Variants in KCNK13 observed in about 807,000 individuals in gnomAD.
KCNK13 encodes the protein potassium two pore domain channel subfamily K member 13.
Under a neutral mutation model 23.4 loss-of-function variants are expected in KCNK13, and 12 were observed. The ratio of observed to expected loss-of-function variants is 0.51; its 90% CI spans 0.33 to 0.83. The LOEUF is 0.83. KCNK13 is among the 40% of genes least tolerant of loss of function. The pLI is 0.02. For synonymous variants in KCNK13, 231 were observed against 229.5 expected (o/e 1.01, Z -0.06); for missense variants, 463 against 556.3 (o/e 0.83, Z 1.69).
At chr14:90,126,511 C>T (rs189245532) in intron 1 of KCNK13, among the ~76,000 whole-genome samples, 22 of 145,618 alleles carry the variant, frequency 1.5e-4, no homozygotes, top group African/African-American at 5.4e-4. Context: ...GCCTTCTTTC[C>T]CAAAACCCAT....
intron 1 of KCNK13, among the ~76,000 whole-genome samples, chr14:90,174,210 T>G (rs1890396964): frequency 6.6e-6 from 1 of 152,112 alleles, no homozygotes; most frequent in Non-Finnish European, 1.5e-5. Context: ...CTCATGAGGC[T>G]GAGGCAGGAG....
intron 1 of KCNK13, among the ~76,000 whole-genome samples, chr14:90,181,412 C>T (rs1162243747): frequency 1.3e-5 from 2 of 152,184 alleles, no homozygotes; most frequent in Non-Finnish European, 2.9e-5. Flanking sequence ...TGTGTCCTCC[C>T]AGGGAGGAAG....
At chr14:90,149,249 G>A (rs1452120039) in intron 1 of KCNK13, among the ~76,000 whole-genome samples, 1 of 152,060 alleles carries the variant, frequency 6.6e-6, no homozygotes, top group Non-Finnish European at 1.5e-5. Flanking sequence ...CTAGCTACTC[G>A]GGAGGCTGAG....
intron 1 of KCNK13, among the ~76,000 whole-genome samples, chr14:90,069,982 T>TA (rs951972358): frequency 5.9e-5 from 9 of 151,392 alleles, no homozygotes; most frequent in Admixed American, 2.6e-4. Context: ...TGGGAAAGTA[T>TA]AAAAAAAAAG....
chr14:90,099,610 G>C (rs72697401), intron 1 of KCNK13, among the ~76,000 whole-genome samples: 1 of 152,276 alleles, frequency 6.6e-6, no homozygotes, highest in Non-Finnish European at 1.5e-5. Context: ...AGGGAGAAAA[G>C]TGCTGATTGT....
intron 1 of KCNK13, among the ~76,000 whole-genome samples, chr14:90,118,940 C>T (rs72699117): frequency 0.068 from 10,309 of 152,094 alleles, 444 homozygotes; most frequent in South Asian, 0.15. Flanking sequence ...ATAAACACAA[C>T]TAGAAATGGC....
rs1271549387 is a variant in KCNK13 at position 90,181,480 on chromosome 14, C to T, written c.335-2631C>T. Among the ~76,000 whole-genome samples the T allele has an allele frequency of 2.6e-5, 4 of 152,236 alleles. No individual in the cohort carries two copies. In the East Asian group the frequency reaches 7.8e-4, roughly 30 times the overall value. ...TAATCCCATTCATGAGAGCACCACA[C>T]TCACCTCTCGCAAAGACACCACCTC... On this transcript the variant is annotated intron_variant, in intron 1 of 1. Transcript: ENST00000282146.
intron 1 of KCNK13, among the ~76,000 whole-genome samples, chr14:90,076,372 C>T (rs1361531423): frequency 6.6e-6 from 1 of 152,224 alleles, no homozygotes. Context: ...GTGTCTCTGT[C>T]TCTCTTTTGC....
chr14:90,078,472 G>A (rs1478974674), intron 1 of KCNK13, among the ~76,000 whole-genome samples: 2 of 144,090 alleles, frequency 1.4e-5, no homozygotes, highest in Non-Finnish European at 3.0e-5. Context: ...AAGGAGGGAG[G>A]GAAGGAAGGA....
intron 1 of KCNK13, among the ~76,000 whole-genome samples, chr14:90,129,688 C>T (rs569803901): frequency 6.6e-6 from 1 of 152,158 alleles, no homozygotes; most frequent in South Asian, 2.1e-4. Context: ...ACCACATTTT[C>T]ACCAGCTCTT....
intron 1 of KCNK13, among the ~76,000 whole-genome samples, chr14:90,169,816 G>GT (rs1332485047): frequency 1.3e-5 from 2 of 152,130 alleles, no homozygotes; most frequent in Non-Finnish European, 2.9e-5. Context: ...CAAAAGTTAG[G>GT]TTTTTTAAAA....
chr14:90,067,833 T>C (rs1200756380), intron 1 of KCNK13, among the ~76,000 whole-genome samples: 1 of 152,234 alleles, frequency 6.6e-6, no homozygotes, highest in East Asian at 1.9e-4. Context: ...TTTGCTGGTA[T>C]ATCTGTAGGT....
chr14:90,177,740 G>T (rs191890873), intron 1 of KCNK13, among the ~76,000 whole-genome samples: 1 of 152,298 alleles, frequency 6.6e-6, no homozygotes, highest in Admixed American at 6.5e-5. Flanking sequence ...CTGGGAAGGA[G>T]TCGGTCTTGA....
intron 1 of KCNK13, among the ~76,000 whole-genome samples, chr14:90,070,790 T>C (rs1413502964): frequency 6.6e-6 from 1 of 152,206 alleles, no homozygotes; most frequent in Non-Finnish European, 1.5e-5. Context: ...GCGTTTGGAA[T>C]TATAGCTGAG....
chr14:90,129,554 A>G (rs904453583), intron 1 of KCNK13, among the ~76,000 whole-genome samples: 2 of 152,172 alleles, frequency 1.3e-5, no homozygotes, highest in African/African-American at 4.8e-5. Context: ...TCTAAGGTCT[A>G]GGAGTGGGAT....
chr14:90,068,035 C>T (rs571891240), intron 1 of KCNK13, among the ~76,000 whole-genome samples: 7 of 152,228 alleles, frequency 4.6e-5, no homozygotes, highest in East Asian at 1.9e-4. Flanking sequence ...GTTGCCCCAG[C>T]GCTTCAGGCC....
At position 90,184,946 on chromosome 14, in the gene KCNK13, G is replaced by C. The variant is rs749642093; in HGVS notation, c.1170G>C (p.Gly390=). The part of the protein sequence containing the change: ...TLARDNEFSG[G]VGAFAIMNNR... ...CCCGGGACAATGAATTCTCAGGGGG[G>C]GTGGGAGCCTTTGCAATCATGAACA... The change falls in exon 2 of 2, where the codon GGG becomes GGC. Residue 390 remains glycine (G), a synonymous_variant. Coordinates refer to ENST00000282146, the MANE Select transcript of KCNK13 (RefSeq NM_022054.4). The surrounding 1 kb of genome is among the most constrained non-coding windows in gnomAD (Gnocchi z 5.6). 9.9e-6 allele frequency: 16 copies of C among 1,611,618 alleles called. No individual in the cohort carries two copies. Among genetic ancestry groups the C allele is most frequent in the African/African-American group, 8.0e-5 (6 of 74,894 alleles).
intron 1 of KCNK13, among the ~76,000 whole-genome samples, chr14:90,160,347 A>T (rs1446919789): frequency 6.6e-6 from 1 of 152,162 alleles, no homozygotes; most frequent in Non-Finnish European, 1.5e-5. Context: ...CAAAGAGAGA[A>T]CCGAGTTTTC....
At chr14:90,111,448 A>T (rs1457757183) in intron 1 of KCNK13, among the ~76,000 whole-genome samples, 1 of 152,212 alleles carries the variant, frequency 6.6e-6, no homozygotes, top group Non-Finnish European at 1.5e-5. Context: ...GCTCAGGGAA[A>T]GAATGAGGGG....
Sources: gnomAD v4.1 joint callset for allele counts (sites outside exome capture counted in the v4.1 genomes callset) on GRCh38, gnomAD v4.1.1 for gene constraint, Gnocchi (gnomAD v3.1) non-coding constraint, MANE v1.5 for transcripts, NCBI Gene and HGNC (gene_info 2026-07-23, HGNC 2026-07-21) for gene names.